The following LMAN2L variants were observed in gnomAD, a reference collection of about 807,000 sequenced individuals.
LMAN2L encodes the protein lectin, mannose binding 2 like.
In LMAN2L, 30 loss-of-function variants were observed where a neutral mutation model predicts 44.3. The observed-to-expected ratio is 0.68, with a 90% CI of 0.51 to 0.92. The LOEUF is 0.92. LMAN2L is among the 40% of genes least tolerant of loss of function. The pLI is 0.00. For missense variants in LMAN2L, 429 were observed against 446.1 expected, an observed-to-expected ratio of 0.96 and a Z score of 0.35; for synonymous variants, 183 against 171.1, an observed-to-expected ratio of 1.07 and a Z score of -0.54.
chr2:96,733,352 A>G (rs555431306), intron 4 of LMAN2L, among the ~76,000 whole-genome samples, 167 bp downstream of exon 4: 1 of 152,200 alleles, frequency 6.6e-6, no homozygotes, highest in African/African-American at 2.4e-5. Context: ...GTGCACTCCT[A>G]AATAGTCCCT....
intron 2 of LMAN2L, among the ~76,000 whole-genome samples, chr2:96,735,926 C>T (rs1454515277): frequency 6.6e-6 from 1 of 151,214 alleles, no homozygotes; most frequent in Non-Finnish European, 1.5e-5. Flanking sequence ...GGTGGAGGAT[C>T]ATTTGAGCCC....
At chr2:96,716,106 C>T (rs779582692) in intron 4 of LMAN2L, among the ~76,000 whole-genome samples, 5 of 152,192 alleles carry the variant, frequency 3.3e-5, no homozygotes, top group East Asian at 1.9e-4. Context: ...TTCTAAAGCA[C>T]GAATTCCCAG....
intron 4 of LMAN2L, among the ~76,000 whole-genome samples, chr2:96,716,798 G>C (rs1360876423): frequency 6.6e-6 from 1 of 152,072 alleles, no homozygotes; most frequent in Non-Finnish European, 1.5e-5. Flanking sequence ...TCAATCACTG[G>C]GATACACTGC....
At chr2:96,713,985 G>A (rs532112620) in intron 4 of LMAN2L, among the ~76,000 whole-genome samples, 18 of 152,256 alleles carry the variant, frequency 1.2e-4, no homozygotes, top group African/African-American at 2.9e-4. Context: ...CCTTTAATAC[G>A]GTGAACACCT....
intron 3 of LMAN2L, 40 bp downstream of exon 3, chr2:96,734,369 G>A (rs1344334229): frequency 1.6e-6 from 2 of 1,216,398 alleles, no homozygotes; most frequent in South Asian, 2.4e-5. Flanking sequence ...GAAAAATCAG[G>A]CTGTCACACC....
chr2:96,719,641 G>T (rs1256679277), intron 4 of LMAN2L, among the ~76,000 whole-genome samples: 1 of 151,896 alleles, frequency 6.6e-6, no homozygotes, highest in Non-Finnish European at 1.5e-5. Flanking sequence ...TGTTGCCCAT[G>T]CTGGAGTGCA....
chr2:96,719,959 C>G (rs780451296), intron 4 of LMAN2L, among the ~76,000 whole-genome samples: 1 of 151,876 alleles, frequency 6.6e-6, no homozygotes. Context: ...CCTAGGAGTT[C>G]GAGGCTGCAG....
chr2:96,728,134 T>C (rs1235775937), intron 4 of LMAN2L, among the ~76,000 whole-genome samples: 1 of 152,170 alleles, frequency 6.6e-6, no homozygotes, highest in East Asian at 1.9e-4. Context: ...TGTAGGGTGT[T>C]GGGATGTAGA....
rs1254673056 is a variant in LMAN2L at position 96,711,648 on chromosome 2, GGCAGTACCTGA to G, written c.781_784+7del. 6.3e-7 allele frequency: 1 copy of G among 1,592,998 alleles called. No homozygotes were observed. The highest frequency in any genetic ancestry group is 1.1e-5 in the South Asian group (1 of 90,680). On this transcript the variant is annotated splice_donor_variant and splice_donor_5th_base_variant and coding_sequence_variant and intron_variant, in exon 6 of 8. Transcript: ENST00000264963. LOFTEE classifies it high-confidence loss of function. ...GTCAGGGCAAACCAAGAGTGCGCGT[GGCAGTACCTGA>G]GAGATCCCCAGTGATGGAGGAGGTG...
chr2:96,707,203 C>T lies in LMAN2L; in HGVS notation c.*53G>A. ...GGCTGCATGCTCAGGCCAGTGCCTG[C>T]TCCTTCCATACCTCATGGGTGACAG... On this transcript the variant is annotated 3_prime_UTR_variant, in exon 8 of 8. Transcript: ENST00000264963. 1.9e-6 allele frequency: 3 copies of T among 1,578,594 alleles called. No homozygotes were observed. The South Asian group carries it at 3.4e-5, about 18-fold the overall frequency.
At chr2:96,714,400 C>CT (rs1311899454) in intron 4 of LMAN2L, among the ~76,000 whole-genome samples, 1 of 152,248 alleles carries the variant, frequency 6.6e-6, no homozygotes, top group Non-Finnish European at 1.5e-5. Context: ...TGCAGATCCC[C>CT]TGCCGTCCTC....
intron 4 of LMAN2L, among the ~76,000 whole-genome samples, chr2:96,728,580 C>A (rs561274546): frequency 6.6e-6 from 1 of 150,926 alleles, no homozygotes; most frequent in Admixed American, 6.6e-5. Context: ...CGGTGGTTCA[C>A]GCTTGTAATC....
At chr2:96,732,615 G>A (rs55912557) in intron 4 of LMAN2L, among the ~76,000 whole-genome samples, 2 of 149,482 alleles carry the variant, frequency 1.3e-5, no homozygotes, top group Admixed American at 6.7e-5. Flanking sequence ...CTGCACTCCA[G>A]CCTGGGCGAC....
intron 4 of LMAN2L, among the ~76,000 whole-genome samples, chr2:96,723,598 C>T (rs1405110661): frequency 1.3e-5 from 2 of 152,054 alleles, no homozygotes; most frequent in East Asian, 3.8e-4. Flanking sequence ...ACTGCCTGAT[C>T]CAAAGTCAAG....
chr2:96,721,428 G>A (rs1195795432), intron 4 of LMAN2L, among the ~76,000 whole-genome samples: 1 of 150,028 alleles, frequency 6.7e-6, no homozygotes, highest in Non-Finnish European at 1.5e-5. Context: ...GAGGTCCTGG[G>A]CTCAAGTGAT....
chr2:96,720,646 A>G (rs1265933422), intron 4 of LMAN2L, among the ~76,000 whole-genome samples: 1 of 152,072 alleles, frequency 6.6e-6, no homozygotes, highest in Non-Finnish European at 1.5e-5. Context: ...ACATTAAAAA[A>G]TAACTACAAT....
intron 4 of LMAN2L, among the ~76,000 whole-genome samples, chr2:96,731,630 C>A (rs1209335844): frequency 6.0e-5 from 9 of 150,984 alleles, no homozygotes; most frequent in Admixed American, 6.6e-5. Flanking sequence ...AGCCTGGAGA[C>A]GAGCGAGACT....
At chr2:96,738,169 C>G (rs1345871543) in intron 1 of LMAN2L, 102 bp from the exon 2 acceptor site, 2 of 735,554 alleles carry the variant, frequency 2.7e-6, no homozygotes, top group African/African-American at 3.5e-5. Context: ...CTTTTTCCCC[C>G]TTTAATGTCA....
In LMAN2L at chr2:96,721,099, T is replaced by C. The variant is rs975355445; in HGVS notation, c.508-9074A>G. Among the ~76,000 whole-genome samples, 9 of 151,304 alleles carry C rather than the reference T, an allele frequency of 5.9e-5. 1 individual carries two copies. Among genetic ancestry groups the C allele is most frequent in the Admixed American group, 5.9e-4 (9 of 15,220 alleles). On this transcript the variant is annotated intron_variant, in intron 4 of 7. Transcript: ENST00000264963. ...ACATTTTCATCACCCCAAAAAAAAA[T>C]CTCATGCCCACTAGTAGTCACTCTC...
Sources: allele counts gnomAD v4.1 joint callset (sites outside exome capture counted in the v4.1 genomes callset), GRCh38; gene constraint gnomAD v4.1.1; transcripts MANE v1.5; gene names NCBI Gene and HGNC (gene_info 2026-07-23, HGNC 2026-07-21).